The following ZCCHC4 variants were observed in gnomAD, a reference collection of about 807,000 sequenced individuals.
The protein encoded by ZCCHC4 is zinc finger CCHC-type containing 4, also known as rRNA N(6)-adenosine-methyltransferase ZCCHC4.
ZCCHC4 carries 54 observed loss-of-function variants against 67.7 expected under a neutral mutation model. That is an observed-to-expected ratio of 0.80 (90% confidence interval 0.64 to 1.00). The LOEUF (loss-of-function observed/expected upper bound fraction) is 1.00, where lower values mean the gene tolerates loss of function less well. Among genes scored for constraint, ZCCHC4 ranks in the 50% least tolerant of loss-of-function variants. The pLI, the probability that ZCCHC4 is intolerant of heterozygous loss-of-function variation, is 0.00. For synonymous variants in ZCCHC4, 198 were observed against 213.5 expected (o/e 0.93, Z 0.63); for missense variants, 609 against 617.0 (o/e 0.99, Z 0.14).
chr4:25,360,822 G>C (rs1720701621), intron 8 of ZCCHC4, among the ~76,000 whole-genome samples: 1 of 152,198 alleles, frequency 6.6e-6, no homozygotes, highest in African/African-American at 2.4e-5. Flanking sequence ...ACACAGATGG[G>C]TCTAGCCAAG....
Position 25,350,614 on chromosome 4 carries a change from C to T in ZCCHC4, c.910+972C>T, listed in dbSNP as rs184070460. 3.3e-3 allele frequency among the ~76,000 whole-genome samples: 495 copies of T among 152,178 alleles called. 2 individuals are homozygous for T. Among genetic ancestry groups the T allele is most frequent in the African/African-American group, 0.011 (457 of 41,530 alleles). ...AGTTGGTACATTCATTTTTTAGAAA[C>T]ATTTTCTAGCTCGCAAGTTGATAAA... On this transcript the variant is annotated intron_variant, in intron 7 of 12. Coordinates refer to ENST00000302874, the MANE Select transcript of ZCCHC4 (RefSeq NM_024936.3).
At chr4:25,335,697 T>TTAC (rs1719425826) in intron 5 of ZCCHC4, among the ~76,000 whole-genome samples, 1 of 152,042 alleles carries the variant, frequency 6.6e-6, no homozygotes, top group South Asian at 2.1e-4. Context: ...AAGGTAGAGG[T>TTAC]TGTAGTGAGC....
At chr4:25,334,505 C>T (rs1291813306) in intron 5 of ZCCHC4, among the ~76,000 whole-genome samples, 1 of 152,108 alleles carries the variant, frequency 6.6e-6, no homozygotes, top group East Asian at 1.9e-4. Context: ...GACAGATAGA[C>T]TTTGTGAGAG....
intron 8 of ZCCHC4, among the ~76,000 whole-genome samples, chr4:25,356,775 G>A (rs1337169750): frequency 6.6e-6 from 1 of 151,980 alleles, no homozygotes; most frequent in African/African-American, 2.4e-5. Context: ...GAGTGCATTA[G>A]GGGAAACATT....
At position 25,349,489 on chromosome 4, in the gene ZCCHC4, C is replaced by T. The variant is rs2109081590; in HGVS notation, c.760-3C>T. 1 of 1,612,842 alleles carries T rather than the reference C, an allele frequency of 6.2e-7. No individual in the cohort carries two copies. Among genetic ancestry groups the T allele is most frequent in the Non-Finnish European group, 8.5e-7 (1 of 1,179,492 alleles). On this transcript the variant is annotated splice_region_variant and splice_polypyrimidine_tract_variant and intron_variant, in intron 6 of 12. Transcript: ENST00000302874. Reference sequence around the variant, plus strand: ...TTTAGAAATGAATTTTTATTTGTTCCAGACTGCCCTTGAAGTATGCAGAGC... The same window carrying T: ...TTTAGAAATGAATTTTTATTTGTTCTAGACTGCCCTTGAAGTATGCAGAGC...
chr4:25,331,946 A>T (rs1719202774), intron 3 of ZCCHC4, among the ~76,000 whole-genome samples: 1 of 152,186 alleles, frequency 6.6e-6, no homozygotes, highest in Admixed American at 6.5e-5. Context: ...AAAAGTTTAA[A>T]ACTCACTTTG....
intron 5 of ZCCHC4, among the ~76,000 whole-genome samples, chr4:25,338,729 AC>A (rs752281819): frequency 1.3e-5 from 2 of 152,206 alleles, no homozygotes; most frequent in Non-Finnish European, 2.9e-5. Context: ...ATGTGTCAGT[AC>A]TTCATTCCTT....
Position 25,328,363 on chromosome 4 carries a change from A to C in ZCCHC4, c.330-4820A>C, listed in dbSNP as rs150878915. ...CAAGCAACTCTCCTACCTTGGCCTC[A>C]TGAGTAGCTGGGATCACAGGCACCC... On this transcript the variant is annotated intron_variant, in intron 3 of 12. Coordinates refer to ENST00000302874, the MANE Select transcript of ZCCHC4 (RefSeq NM_024936.3). Among the ~76,000 whole-genome samples the C allele has an allele frequency of 6.9e-3, 1,031 of 150,384 alleles. 10 individuals are homozygous for C. The highest frequency in any genetic ancestry group is 0.024 in the African/African-American group (969 of 40,814).
At chr4:25,326,262 C>T (rs1718881640) in intron 3 of ZCCHC4, among the ~76,000 whole-genome samples, 1 of 152,236 alleles carries the variant, frequency 6.6e-6, no homozygotes, top group Non-Finnish European at 1.5e-5. Flanking sequence ...CTGCTTCTGT[C>T]ACCACATAAT....
At chr4:25,313,380 T>C (rs1001367136) in intron 1 of ZCCHC4, among the ~76,000 whole-genome samples, 1 of 152,220 alleles carries the variant, frequency 6.6e-6, no homozygotes, top group African/African-American at 2.4e-5. Flanking sequence ...AGGTTTTCAC[T>C]GCAAGGGTAA....
chr4:25,330,417 G>A (rs1276307688), intron 3 of ZCCHC4, among the ~76,000 whole-genome samples: 1 of 152,088 alleles, frequency 6.6e-6, no homozygotes, highest in Non-Finnish European at 1.5e-5. Flanking sequence ...ATTCCTTTGT[G>A]TATTTTTGAT....
chr4:25,331,295 C>T (rs1231467420), intron 3 of ZCCHC4, among the ~76,000 whole-genome samples: 6 of 152,154 alleles, frequency 3.9e-5, no homozygotes, highest in South Asian at 2.1e-4. Context: ...TAGCTGTCTG[C>T]GGAAGCTGTC....
intron 12 of ZCCHC4, chr4:25,366,216 G>A (rs985822246): frequency 1.2e-4 from 115 of 951,648 alleles, no homozygotes; most frequent in Non-Finnish European, 1.4e-4. Flanking sequence ...CAACTGCCTC[G>A]TTCCTACATT....
At chr4:25,318,376 G>GTTTTTT (rs1718393860) in intron 3 of ZCCHC4, among the ~76,000 whole-genome samples, 1 of 83,656 alleles carries the variant, frequency 1.2e-5, no homozygotes, top group African/African-American at 5.6e-5. Flanking sequence ...TTTTTTTTGA[G>GTTTTTT]CTACAGTTTC....
intron 5 of ZCCHC4, among the ~76,000 whole-genome samples, chr4:25,337,623 G>A (rs1393313038): frequency 8.5e-5 from 13 of 152,186 alleles, no homozygotes; most frequent in Non-Finnish European, 1.5e-5. Context: ...CAGGAAACAG[G>A]TGTTCGACTT....
intron 3 of ZCCHC4, among the ~76,000 whole-genome samples, chr4:25,316,445 T>A (rs1419859241): frequency 6.6e-6 from 1 of 152,236 alleles, no homozygotes; most frequent in Non-Finnish European, 1.5e-5. Context: ...GGAGTGTATA[T>A]GCATTCCAAT....
Position 25,359,884 on chromosome 4 carries a change from A to T in ZCCHC4, c.1012-1975A>T, listed in dbSNP as rs1307932482. On this transcript the variant is annotated intron_variant, in intron 8 of 12. Coordinates refer to ENST00000302874, the MANE Select transcript of ZCCHC4 (RefSeq NM_024936.3). This position sits in a 1 kb window ranked among gnomAD's most constrained non-coding sequence, Gnocchi z 4.9. ...GAGGTTTCCCTCCCGAGGAGGCCAC[A>T]TGTGAAATTAGCAATCCACTGGTCT... 6.6e-6 allele frequency among the ~76,000 whole-genome samples: 1 copy of T among 152,242 alleles called. No individual in the cohort carries two copies. The highest frequency in any genetic ancestry group is 2.4e-5 in the African/African-American group (1 of 41,468).
Position 25,314,141 on chromosome 4 carries a change from T to A in ZCCHC4, c.223T>A (p.Phe75Ile), listed in dbSNP as rs1392756246. ...CTGTAGAGATAGAAAAGACTGTAAT[T>A]TTTTTCAGTGGGAAGATGAAAAGGT... is the stretch of plus-strand genomic sequence containing the variant. ...SACRDRKDCN[F>I]FQWEDEKLSG... Residue 75 changes from phenylalanine (F) to isoleucine (I), a missense_variant, in exon 2 of 13, where the codon TTT becomes ATT. Transcript: ENST00000302874. The A allele has an allele frequency of 1.2e-6, 2 of 1,600,242 alleles. No homozygotes were observed. The highest frequency in any genetic ancestry group is 2.3e-5 in the South Asian group (2 of 88,508).
At chr4:25,315,655 G>A (rs1553876) in intron 3 of ZCCHC4, among the ~76,000 whole-genome samples, 66,429 of 150,972 alleles carry the variant, frequency 0.44, 16,429 homozygotes, top group Non-Finnish European at 0.56. Flanking sequence ...CCATTATGCT[G>A]TAACTCCTCA....
Sources: allele counts gnomAD v4.1 joint callset (sites outside exome capture counted in the v4.1 genomes callset), GRCh38; gene constraint gnomAD v4.1.1; non-coding constraint Gnocchi (gnomAD v3.1); transcripts MANE v1.5; gene names NCBI Gene and HGNC (gene_info 2026-07-23, HGNC 2026-07-21).